ADAM28: variants seen among roughly 807,000 people sequenced by gnomAD.
ADAM28 encodes disintegrin and metalloproteinase domain-containing protein 28.
Under a neutral mutation model 101.2 loss-of-function variants are expected in ADAM28, and 105 were observed. The ratio of observed to expected loss-of-function variants is 1.04; its 90% CI spans 0.89 to 1.22. ADAM28 has a LOEUF of 1.22. ADAM28 is among the 50% of genes most tolerant of loss of function. ADAM28 has a pLI of 0.00. For synonymous variants in ADAM28, 322 were observed against 310.6 expected, an observed-to-expected ratio of 1.04 and a Z score of -0.39; for missense variants, 1,028 against 945.4, an observed-to-expected ratio of 1.09 and a Z score of -1.15.
At chr8:24,341,420 A>T (rs996077415) in intron 15 of ADAM28, 178 bp from the exon 16 acceptor site, 4 of 632,596 alleles carry the variant, frequency 6.3e-6, no homozygotes, top group Non-Finnish European at 1.1e-5. Flanking sequence ...TTGAGCAATA[A>T]TATATTGTGC....
intron 1 of ADAM28, among the ~76,000 whole-genome samples, chr8:24,298,254 G>C (rs954652648): frequency 6.6e-6 from 1 of 151,844 alleles, no homozygotes; most frequent in African/African-American, 2.4e-5. Context: ...TTTTTTTTTA[G>C]AGTAACTCTT....
chr8:24,297,922 G>A lies in ADAM28; in HGVS notation c.47-2052G>A, dbSNP rs544929926. Reference sequence around the variant, plus strand: ...TCCTTTACCAAAAGTTAATTTAATAGAAATAAAAGACGCCCAGCGATTACC... The same window carrying A: ...TCCTTTACCAAAAGTTAATTTAATAAAAATAAAAGACGCCCAGCGATTACC... On this transcript the variant is annotated intron_variant, in intron 1 of 22. Transcript: ENST00000265769. 2.5e-3 allele frequency among the ~76,000 whole-genome samples: 385 copies of A among 152,040 alleles called. 1 individual carries two copies. The highest frequency in any genetic ancestry group is 3.1e-3 in the Non-Finnish European group (208 of 67,982).
At chr8:24,334,701 T>C (rs532224666) in intron 13 of ADAM28, among the ~76,000 whole-genome samples, 63 of 152,326 alleles carry the variant, frequency 4.1e-4, no homozygotes, top group African/African-American at 1.5e-3. Flanking sequence ...GGTATTAAGA[T>C]ATTTAAAGTT....
chr8:24,330,937 G>A (rs958455768), intron 11 of ADAM28, among the ~76,000 whole-genome samples: 1 of 152,090 alleles, frequency 6.6e-6, no homozygotes, highest in African/African-American at 2.4e-5. Flanking sequence ...AAGTGGCCTG[G>A]ATGCTACACA....
intron 21 of ADAM28, 75 bp downstream of exon 21, chr8:24,352,127 A>G: frequency 8.0e-6 from 10 of 1,242,272 alleles, no homozygotes; most frequent in Non-Finnish European, 1.2e-5. Context: ...ATAGCCCACA[A>G]CACTTCATTA....
At chr8:24,317,899 C>A (rs1426541576) in intron 6 of ADAM28, among the ~76,000 whole-genome samples, 4 of 151,756 alleles carry the variant, frequency 2.6e-5, no homozygotes, top group South Asian at 2.1e-4. Flanking sequence ...ATCTAGGGTA[C>A]AATATGAGGA....
At position 24,326,552 on chromosome 8, in the gene ADAM28, A is replaced by G; in HGVS notation, c.891-2A>G. The G allele has an allele frequency of 6.2e-7, 1 of 1,611,066 alleles. No homozygotes were observed. Among genetic ancestry groups the G allele is most frequent in the Middle Eastern group, 1.7e-4 (1 of 6,038 alleles). On this transcript the variant is annotated splice_acceptor_variant, in intron 9 of 22. Transcript: ENST00000265769. LOFTEE classifies it high-confidence loss of function. Reference sequence around the variant, plus strand: ...TTACATCAATTTATTCCTTTCTTGCAGAGCAACAGAACTTGCTGGAACGAC... The same window carrying G: ...TTACATCAATTTATTCCTTTCTTGCGGAGCAACAGAACTTGCTGGAACGAC...
At chr8:24,315,258 C>T (rs942765982) in intron 6 of ADAM28, among the ~76,000 whole-genome samples, 1 of 151,374 alleles carries the variant, frequency 6.6e-6, no homozygotes, top group Non-Finnish European at 1.5e-5. Flanking sequence ...CAAATGGTAA[C>T]AAAATAGACA....
chr8:24,308,735 A>C (rs961925329), intron 2 of ADAM28: 1 of 455,892 alleles, frequency 2.2e-6, no homozygotes, highest in African/African-American at 2.0e-5. Context: ...TACTGACAGC[A>C]GAGCAGACCT....
At chr8:24,322,520 G>A (rs1812016842) in intron 8 of ADAM28, 2 of 151,986 alleles carry the variant, frequency 1.3e-5, no homozygotes, top group South Asian at 4.1e-4. Context: ...AGTTTTGCTG[G>A]AACGCGTTAA....
intron 22 of ADAM28, 64 bp downstream of exon 22, chr8:24,353,896 C>A: frequency 1.7e-6 from 2 of 1,156,278 alleles, no homozygotes; most frequent in Non-Finnish European, 1.2e-6. Flanking sequence ...CAAGAGAAGG[C>A]CCACCATGTC....
In ADAM28 at chr8:24,326,575, G is replaced by T. The variant is rs113950884; in HGVS notation, c.912G>T (p.Thr304=). 436 of 1,611,908 alleles carry T rather than the reference G, an allele frequency of 2.7e-4. 3 individuals carry two copies. The African/African-American group carries it at 5.2e-3, about 19-fold the overall frequency. ...GCAGAGCAACAGAACTTGCTGGAACGACTGTGGGTCTTGCATTTATGTCTA... is the reference window on the plus strand; with the variant it reads ...GCAGAGCAACAGAACTTGCTGGAACTACTGTGGGTCTTGCATTTATGTCTA... The part of the protein sequence containing the change: ...QLITATELAG[T]TVGLAFMSTM... The change falls in exon 10 of 23, where the codon ACG becomes ACT. Residue 304 remains threonine (T), a synonymous_variant. Transcript: ENST00000265769.
intron 18 of ADAM28, among the ~76,000 whole-genome samples, chr8:24,347,446 G>T (rs1815537633): frequency 6.6e-6 from 1 of 151,962 alleles, no homozygotes. Flanking sequence ...GGAAGAATTT[G>T]TATTTTTTGG....
chr8:24,320,357 T>C, intron 7 of ADAM28, 50 bp downstream of exon 7: 1 of 1,173,160 alleles, frequency 8.5e-7, no homozygotes, highest in South Asian at 1.3e-5. Context: ...CACCCACATA[T>C]ATTTATTTAT....
intron 9 of ADAM28, 53 bp downstream of exon 9, chr8:24,324,056 T>C: frequency 6.4e-7 from 1 of 1,565,316 alleles, no homozygotes; most frequent in South Asian, 1.2e-5. Flanking sequence ...GTGGATGCTT[T>C]TCTGAGCCTT....
intron 5 of ADAM28, 110 bp from the exon 6 acceptor site, chr8:24,313,278 T>C: frequency 9.8e-7 from 1 of 1,016,214 alleles, no homozygotes; most frequent in Non-Finnish European, 1.4e-6. Flanking sequence ...GCTTAAATTG[T>C]TTTTGACATT....
intron 13 of ADAM28, among the ~76,000 whole-genome samples, chr8:24,335,031 T>C (rs1416988709): frequency 6.6e-6 from 1 of 152,170 alleles, no homozygotes; most frequent in Non-Finnish European, 1.5e-5. Flanking sequence ...TGTAAGCTTA[T>C]CTCCTTGAAT....
intron 22 of ADAM28, 116 bp from the exon 23 acceptor site, chr8:24,354,268 C>T: frequency 1.1e-6 from 1 of 892,726 alleles, no homozygotes; most frequent in Non-Finnish European, 1.7e-6. Flanking sequence ...ATCAAGTGAC[C>T]TATGAAATAG....
At chr8:24,318,475 T>C (rs6980677) in intron 6 of ADAM28, among the ~76,000 whole-genome samples, 23,740 of 151,782 alleles carry the variant, frequency 0.16, 2,014 homozygotes, top group East Asian at 0.26. Flanking sequence ...AACTGTGCAC[T>C]AATGGCCATC....
Sources: gnomAD v4.1 joint callset for allele counts (sites outside exome capture counted in the v4.1 genomes callset) on GRCh38, gnomAD v4.1.1 for gene constraint, MANE v1.5 for transcripts, NCBI Gene and HGNC (gene_info 2026-07-23, HGNC 2026-07-21) for gene names.